Variants in MOCOS observed in about 807,000 individuals in gnomAD.
MOCOS encodes the protein human molybdenum cofactor sulfurase.
Under a neutral mutation model 83.6 loss-of-function variants are expected in MOCOS, and 86 were observed. The observed-to-expected ratio is 1.03, with a 90% CI of 0.86 to 1.23. The LOEUF (loss-of-function observed/expected upper bound fraction) is 1.23. Among genes scored for constraint, MOCOS ranks in the 50% most tolerant of loss-of-function variants. MOCOS has a pLI of 0.00. For synonymous variants in MOCOS, 445 were observed against 434.7 expected (o/e 1.02, Z -0.29); for missense variants, 1,120 against 1,126.9 (o/e 0.99, Z 0.09).
intron 14 of MOCOS, among the ~76,000 whole-genome samples, chr18:36,267,182 T>G (rs963791724): frequency 1.3e-5 from 2 of 152,224 alleles, no homozygotes; most frequent in African/African-American, 4.8e-5. Context: ...GTAAAGTGCC[T>G]TAATGTGAAT....
chr18:36,191,384 G>C (rs893718741), intron 1 of MOCOS, among the ~76,000 whole-genome samples: 40 of 152,216 alleles, frequency 2.6e-4, no homozygotes, highest in African/African-American at 7.5e-4. Context: ...GTCTACCTCA[G>C]AGTCAATTGC....
chr18:36,214,278 A>G (rs981343678), intron 7 of MOCOS, among the ~76,000 whole-genome samples: 1 of 148,672 alleles, frequency 6.7e-6, no homozygotes, highest in African/African-American at 2.5e-5. Context: ...GAAAAAAAAG[A>G]AAATGCTTCA....
intron 11 of MOCOS, among the ~76,000 whole-genome samples, chr18:36,253,699 G>T (rs1381705898): frequency 6.6e-6 from 1 of 151,804 alleles, no homozygotes; most frequent in East Asian, 1.9e-4. Flanking sequence ...AATTTTTCAG[G>T]CAGTCACAGG....
At chr18:36,233,733 C>G (rs2091547213) in intron 9 of MOCOS, among the ~76,000 whole-genome samples, 1 of 152,130 alleles carries the variant, frequency 6.6e-6, no homozygotes, top group Non-Finnish European at 1.5e-5. Context: ...GTCATTCTTG[C>G]AGGAGTAAGG....
rs1278506153 is a variant in MOCOS at position 36,270,775 on chromosome 18, C to G, written c.*2090C>G. ...AAGAATATGTTTTTCTTATCCACGT[C>G]TATGTCACCTTTTGCAGTAGATACT... On this transcript the variant is annotated 3_prime_UTR_variant, in exon 15 of 15. Coordinates refer to ENST00000261326, the MANE Select transcript of MOCOS (RefSeq NM_017947.4). 1.3e-5 allele frequency: 2 copies of G among 151,314 alleles called. No individual in the cohort carries two copies. The highest frequency in any genetic ancestry group is 1.9e-4 in the East Asian group (1 of 5,146). The allele number at this position is 151,314 out of a possible 1,614,324, so 9.4% of individuals were successfully genotyped here. A position where few individuals can be genotyped will look rare whatever the true frequency, so the allele number is the denominator to read the frequency against.
intron 9 of MOCOS, among the ~76,000 whole-genome samples, chr18:36,242,637 A>C (rs901800867): frequency 2.0e-5 from 3 of 152,238 alleles, no homozygotes; most frequent in African/African-American, 7.2e-5. Context: ...ATTGACTCAC[A>C]GTTCCACATG....
At position 36,187,505 on chromosome 18, in the gene MOCOS, C is replaced by T; in HGVS notation, c.-35C>T. 3 of 1,227,758 alleles carry T rather than the reference C, an allele frequency of 2.4e-6. No individual in the cohort carries two copies. The highest frequency in any genetic ancestry group is 3.0e-6 in the Non-Finnish European group (3 of 984,874). The allele number at this position is 1,227,758 out of a possible 1,614,324, so 76.1% of individuals were successfully genotyped here. A position where few individuals can be genotyped will look rare whatever the true frequency, so the allele number is the denominator to read the frequency against. ...CCGGGGGCCGGCTTCGCGCACTTCC[C>T]GGGCCCGGCCGGCCTGGATGGACTA... On this transcript the variant is annotated 5_prime_UTR_variant, in exon 1 of 15. Coordinates refer to ENST00000261326, the MANE Select transcript of MOCOS (RefSeq NM_017947.4).
chr18:36,224,494 G>A (rs1190600505), intron 9 of MOCOS, among the ~76,000 whole-genome samples: 2 of 152,130 alleles, frequency 1.3e-5, no homozygotes, highest in Non-Finnish European at 2.9e-5. Context: ...TTTATTATGA[G>A]AGGGTGCTGA....
chr18:36,199,652 G>C, intron 3 of MOCOS, 31 bp from the exon 4 acceptor site: 1 of 1,612,034 alleles, frequency 6.2e-7, no homozygotes, highest in Non-Finnish European at 8.5e-7. Context: ...GCTGAGATCC[G>C]CGGGTTGCGG....
At chr18:36,213,633 A>G in intron 7 of MOCOS, 151 bp downstream of exon 7, 1 of 757,712 alleles carries the variant, frequency 1.3e-6, no homozygotes, top group South Asian at 1.5e-5. Flanking sequence ...TACAAATGGA[A>G]AATGCTTCAA....
At chr18:36,246,335 T>TC (rs2091602086) in intron 9 of MOCOS, among the ~76,000 whole-genome samples, 1 of 152,236 alleles carries the variant, frequency 6.6e-6, no homozygotes, top group Non-Finnish European at 1.5e-5. Flanking sequence ...TGTGGTGCTC[T>TC]CCCCCTTCCT....
At chr18:36,243,520 T>G (rs1233359510) in intron 9 of MOCOS, among the ~76,000 whole-genome samples, 1 of 152,176 alleles carries the variant, frequency 6.6e-6, no homozygotes, top group Non-Finnish European at 1.5e-5. Context: ...TAGCTAGGAT[T>G]TTGTTGAGGA....
Position 36,215,939 on chromosome 18 carries a change from C to G in MOCOS, c.1759C>G (p.Leu587Val). The G allele has an allele frequency of 1.2e-6, 2 of 1,613,812 alleles. No individual in the cohort carries two copies. The highest frequency in any genetic ancestry group is 1.7e-6 in the Non-Finnish European group (2 of 1,179,926). The change falls in exon 8 of 15, where the codon CTT becomes GTT. Residue 587 changes from leucine (L) to valine (V), a missense_variant. Physicochemically the swap from Leu to Val is conservative, Grantham distance 32 (BLOSUM62 1). Transcript: ENST00000261326. ...CCTTGGGCCACATGTTGTCACTAAC[C>G]TTTATCTCTATCCAATCAAATCCTG... is the stretch of plus-strand genomic sequence containing the variant. ...GALGPHVVTN[L>V]YLYPIKSCAA...
intron 9 of MOCOS, among the ~76,000 whole-genome samples, chr18:36,242,926 T>C (rs1253259090): frequency 6.6e-6 from 1 of 152,226 alleles, no homozygotes; most frequent in Non-Finnish European, 1.5e-5. Context: ...TTTCCATTTG[T>C]TTGTGTCATC....
intron 9 of MOCOS, among the ~76,000 whole-genome samples, chr18:36,239,206 C>G (rs149152816): frequency 0.11 from 16,924 of 152,012 alleles, 1,026 homozygotes; most frequent in Non-Finnish European, 0.13. Context: ...TTGCTCGTTA[C>G]TTGATGCAGT....
chr18:36,219,871 A>G (rs1231634813), intron 8 of MOCOS, among the ~76,000 whole-genome samples, 184 bp from the exon 9 acceptor site: 1 of 152,190 alleles, frequency 6.6e-6, no homozygotes, highest in Non-Finnish European at 1.5e-5. Flanking sequence ...GGAGATATCC[A>G]GCTCCTACAT....
intron 8 of MOCOS, 67 bp from the exon 9 acceptor site, chr18:36,219,988 C>T (rs2091489941): frequency 1.9e-6 from 3 of 1,587,032 alleles, no homozygotes; most frequent in South Asian, 2.2e-5. Context: ...TGTGTAGCCA[C>T]TGTACAAATA....
chr18:36,194,650 C>T (rs1015507384), intron 1 of MOCOS, among the ~76,000 whole-genome samples: 2 of 152,174 alleles, frequency 1.3e-5, no homozygotes, highest in African/African-American at 2.4e-5. Context: ...ACCTGTGTAC[C>T]CTCCTACCAG....
At chr18:36,219,566 C>G (rs759611246) in intron 8 of MOCOS, among the ~76,000 whole-genome samples, 1 of 152,072 alleles carries the variant, frequency 6.6e-6, no homozygotes, top group Admixed American at 6.5e-5. Flanking sequence ...GTAATCCCAG[C>G]TACTCAGGAG....
Sources: gnomAD v4.1 joint callset for allele counts (sites outside exome capture counted in the v4.1 genomes callset) on GRCh38, gnomAD v4.1.1 for gene constraint, MANE v1.5 for transcripts, NCBI Gene and HGNC (gene_info 2026-07-23, HGNC 2026-07-21) for gene names.